The following DUSP16 variants were observed in gnomAD, a reference collection of about 807,000 sequenced individuals.
The protein encoded by DUSP16 is dual specificity protein phosphatase 16.
Under a neutral mutation model 58.3 loss-of-function variants are expected in DUSP16, and 21 were observed. The observed-to-expected ratio is 0.36, with a 90% CI of 0.26 to 0.52. The LOEUF (loss-of-function observed/expected upper bound fraction) is 0.52. Ranked by LOEUF, DUSP16 falls within the 20% of genes least tolerant of loss-of-function variation. DUSP16 has a pLI of 0.94. For missense variants in DUSP16, 726 were observed against 819.0 expected (o/e 0.89, Z 1.39); for synonymous variants, 320 against 323.8 (o/e 0.99, Z 0.12).
Position 12,556,024 on chromosome 12 carries a change from G to C in DUSP16, c.-366+6093C>G, listed in dbSNP as rs566048878. ...CCACTGCACTCCAGCTTGGGCGACA[G>C]AGTAAGACCATGTCTCAAAAAAATA... On this transcript the variant is annotated intron_variant, in intron 1 of 6. Transcript: ENST00000298573. 7.2e-5 allele frequency among the ~76,000 whole-genome samples: 11 copies of C among 152,298 alleles called. No individual in the cohort carries two copies. In the South Asian group the frequency reaches 2.1e-3, roughly 29 times the overall value.
At chr12:12,554,340 C>A (rs375153811) in intron 1 of DUSP16, among the ~76,000 whole-genome samples, 2 of 152,014 alleles carry the variant, frequency 1.3e-5, no homozygotes, top group African/African-American at 2.4e-5. Context: ...AAACTCCTGA[C>A]CTCAAGCGAT....
intron 4 of DUSP16, among the ~76,000 whole-genome samples, chr12:12,492,064 C>T (rs1027107041): frequency 5.3e-5 from 8 of 152,226 alleles, no homozygotes; most frequent in African/African-American, 1.9e-4. Context: ...GGCAAGATTA[C>T]AACCCTAGTT....
At chr12:12,504,709 A>G (rs868042758) in intron 3 of DUSP16, among the ~76,000 whole-genome samples, 43 of 138,100 alleles carry the variant, frequency 3.1e-4, no homozygotes, top group African/African-American at 4.3e-4. Flanking sequence ...AAAAAAAAAA[A>G]AAAGAAAGAA....
At chr12:12,487,519 T>C (rs1174274148) in intron 4 of DUSP16, among the ~76,000 whole-genome samples, 1 of 152,206 alleles carries the variant, frequency 6.6e-6, no homozygotes, top group Non-Finnish European at 1.5e-5. Context: ...TTTTAGAATA[T>C]ATGGACACAC....
chr12:12,515,517 G>T (rs957283057), intron 3 of DUSP16, among the ~76,000 whole-genome samples: 1 of 151,756 alleles, frequency 6.6e-6, no homozygotes, highest in African/African-American at 2.4e-5. Context: ...TAGTAGAGAC[G>T]GGGTTTCTCC....
intron 1 of DUSP16, among the ~76,000 whole-genome samples, chr12:12,535,688 G>T (rs1013161399): frequency 6.6e-6 from 1 of 152,222 alleles, no homozygotes; most frequent in Non-Finnish European, 1.5e-5. Flanking sequence ...TGTTGAAAAT[G>T]ACATTTTGAA....
chr12:12,486,991 C>T (rs780750813), intron 5 of DUSP16, 37 bp downstream of exon 5: 1 of 1,609,216 alleles, frequency 6.2e-7, no homozygotes, highest in Admixed American at 1.7e-5. Flanking sequence ...ATGAGACGAT[C>T]ACCCACAGGA....
chr12:12,562,817 C>T lies in DUSP16; in HGVS notation c.-1066G>A, dbSNP rs1944927726. Among the ~76,000 whole-genome samples the T allele has an allele frequency of 1.3e-5, 2 of 151,700 alleles. No individual in the cohort carries two copies. Among genetic ancestry groups the T allele is most frequent in the Admixed American group, 1.3e-4 (2 of 15,228 alleles). On this transcript the variant is annotated 5_prime_UTR_variant, in exon 1 of 7. Coordinates refer to ENST00000298573, the MANE Select transcript of DUSP16 (RefSeq NM_030640.3). Reference sequence around the variant, plus strand: ...GCGGCTCCGCGCCTCGTTCCGGCCGCTCGGGGAGGGGTCAGGTCATGTTCC... The same window carrying T: ...GCGGCTCCGCGCCTCGTTCCGGCCGTTCGGGGAGGGGTCAGGTCATGTTCC...
intron 1 of DUSP16, among the ~76,000 whole-genome samples, chr12:12,527,069 G>C (rs1944317609): frequency 6.6e-6 from 1 of 152,194 alleles, no homozygotes; most frequent in Non-Finnish European, 1.5e-5. Flanking sequence ...TGTTGAGTGA[G>C]GAGAGGGATT....
Position 12,521,033 on chromosome 12 carries a change from T to A in DUSP16, c.66A>T (p.Gly22=), listed in dbSNP as rs147374839. Residue 22 remains glycine (G), a synonymous_variant, in exon 2 of 7, where the codon GGA becomes GGT. Transcript: ENST00000298573. ...TERLVALLES[G]TEKVLLIDSR... ...TATCAATTAGCAGCACTTTTTCCGT[T>A]CCACTTTCCAGCAGAGCCACCAACC... 5.0e-4 allele frequency: 810 copies of A among 1,614,208 alleles called. 14 individuals are homozygous for A. In the South Asian group the frequency reaches 7.8e-3, roughly 16 times the overall value.
At chr12:12,523,923 G>A (rs142722591) in intron 1 of DUSP16, among the ~76,000 whole-genome samples, 4 of 152,310 alleles carry the variant, frequency 2.6e-5, no homozygotes, top group East Asian at 1.9e-4. Flanking sequence ...GTGGAAATCC[G>A]AGAACAAGAG....
chr12:12,501,562 T>C (rs1382439012), intron 3 of DUSP16, among the ~76,000 whole-genome samples: 1 of 152,218 alleles, frequency 6.6e-6, no homozygotes, highest in Non-Finnish European at 1.5e-5. Context: ...AAATATTCCT[T>C]GCTGTCCAAA....
chr12:12,500,756 TCAAA>T (rs751693816), intron 3 of DUSP16, 74 bp from the exon 4 acceptor site: 13 of 1,371,684 alleles, frequency 9.5e-6, no homozygotes, highest in South Asian at 6.6e-5. Flanking sequence ...TGTGAACTGC[TCAAA>T]CAGTTTAAAC....
At chr12:12,539,724 C>A (rs1447744677) in intron 1 of DUSP16, among the ~76,000 whole-genome samples, 1 of 148,672 alleles carries the variant, frequency 6.7e-6, no homozygotes, top group East Asian at 2.0e-4. Context: ...CGTCACCACC[C>A]TTCTCAAGGT....
At position 12,562,328 on chromosome 12, in the gene DUSP16, C is replaced by T. The variant is rs1566071734; in HGVS notation, c.-577G>A. ...TCCTTCTCTGAGGGGTGGGTTGGGG[C>T]GGGAGGCTTAGGAAGAGAGGAGACG... On this transcript the variant is annotated 5_prime_UTR_variant, in exon 1 of 7. Transcript: ENST00000298573. 7.2e-6 allele frequency: 1 copy of T among 137,988 alleles called. No homozygotes were observed. Among genetic ancestry groups the T allele is most frequent in the Non-Finnish European group, 1.6e-5 (1 of 63,418 alleles). The allele number at this position is 137,988 out of a possible 1,614,324, so 8.5% of individuals were successfully genotyped here.
At chr12:12,488,360 A>G in intron 4 of DUSP16, among the ~76,000 whole-genome samples, 1 of 152,146 alleles carries the variant, frequency 6.6e-6, no homozygotes, top group East Asian at 1.9e-4. Flanking sequence ...TTAAGCACCT[A>G]CCATAGTGTG....
chr12:12,482,262 T>C (rs978139571), intron 5 of DUSP16, among the ~76,000 whole-genome samples: 2 of 152,126 alleles, frequency 1.3e-5, no homozygotes, highest in Non-Finnish European at 2.9e-5. Flanking sequence ...CTGATACATA[T>C]TTTCAAAAGA....
Position 12,541,691 on chromosome 12 carries a change from C to A in DUSP16, c.-365-20228G>T, listed in dbSNP as rs537208918. 1.3e-5 allele frequency among the ~76,000 whole-genome samples: 2 copies of A among 152,240 alleles called. 1 individual carries two copies. The highest frequency in any genetic ancestry group is 4.1e-4 in the South Asian group (2 of 4,826). On this transcript the variant is annotated intron_variant, in intron 1 of 6. Coordinates refer to ENST00000298573, the MANE Select transcript of DUSP16 (RefSeq NM_030640.3). The stretch of plus-strand genomic sequence containing the variant: ...ATTTCTCTGTCTACATGTGTTCCAC[C>A]ACAAACCCTAGAGAGAAATAACTGT...
intron 3 of DUSP16, among the ~76,000 whole-genome samples, chr12:12,504,553 C>T (rs536786860): frequency 2.6e-5 from 4 of 152,008 alleles, no homozygotes; most frequent in Admixed American, 1.3e-4. Flanking sequence ...TGAGCCACTG[C>T]GCCCTGCCAG....
Sources: gnomAD v4.1 joint callset for allele counts (sites outside exome capture counted in the v4.1 genomes callset) on GRCh38, gnomAD v4.1.1 for gene constraint, MANE v1.5 for transcripts, NCBI Gene and HGNC (gene_info 2026-07-23, HGNC 2026-07-21) for gene names.